Variants in CBX5 observed in about 807,000 individuals in gnomAD.
CBX5 encodes chromobox protein homolog 5.
Under a neutral mutation model 20.7 loss-of-function variants are expected in CBX5, and 7 were observed. The ratio of observed to expected loss-of-function variants is 0.34; its 90% confidence interval spans 0.19 to 0.63. The LOEUF is 0.63. Among genes scored for constraint, CBX5 ranks in the 30% least tolerant of loss-of-function variants. The pLI is 0.75. For synonymous variants in CBX5, 78 were observed against 77.0 expected (o/e 1.01, Z -0.07); for missense variants, 110 against 224.1 (o/e 0.49, Z 3.25).
In CBX5 at chr12:54,237,247, C is replaced by T. The variant is rs571692527; in HGVS notation, c.*4508G>A. ...AAATCTACTTTCACACATGGCAAAC[C>T]GCGAAGAAAAACAAGGATAACCTCA... On this transcript the variant is annotated 3_prime_UTR_variant, in exon 5 of 5. Coordinates refer to ENST00000209875, the MANE Select transcript of CBX5 (RefSeq NM_012117.3). 3 of 152,112 alleles carry T rather than the reference C, an allele frequency of 2.0e-5. No homozygotes were observed. Among genetic ancestry groups the T allele is most frequent in the South Asian group, 2.1e-4 (1 of 4,816 alleles). The allele number at this position is 152,112 out of a possible 1,614,324, so 9.4% of individuals were successfully genotyped here.
At chr12:54,273,877 G>A (rs574055291) in intron 1 of CBX5, 5 of 152,082 alleles carry the variant, frequency 3.3e-5, no homozygotes, top group Admixed American at 1.3e-4. Context: ...ATACATAGGG[G>A]GAATAAAATT....
intron 3 of CBX5, among the ~76,000 whole-genome samples, 197 bp downstream of exon 3, chr12:54,251,844 G>A (rs1395073887): frequency 1.3e-5 from 2 of 152,180 alleles, no homozygotes; most frequent in African/African-American, 4.8e-5. Context: ...ACAATCCAGT[G>A]GCCACAAATT....
intron 1 of CBX5, among the ~76,000 whole-genome samples, chr12:54,265,259 A>G (rs1943946292): frequency 6.6e-6 from 1 of 152,258 alleles, no homozygotes; most frequent in African/African-American, 2.4e-5. Flanking sequence ...AAAATAAACC[A>G]AACTTACAGA....
chr12:54,260,435 A>G (rs539859662), intron 1 of CBX5, among the ~76,000 whole-genome samples: 81 of 152,252 alleles, frequency 5.3e-4, no homozygotes, highest in African/African-American at 1.7e-3. Flanking sequence ...CAGAGGTTGC[A>G]GTGAGCCTAG....
chr12:54,257,825 G>T, intron 1 of CBX5, 133 bp from the exon 2 acceptor site: 2 of 629,192 alleles, frequency 3.2e-6, no homozygotes, highest in Non-Finnish European at 5.5e-6. Context: ...TCATTCTACA[G>T]ATGAGTCCTA....
rs995133788 is a variant in CBX5, at chr12:54,235,875, C to T, written c.*5880G>A. 14 of 152,210 alleles carry T rather than the reference C, an allele frequency of 9.2e-5. No homozygotes were observed. The highest frequency in any genetic ancestry group is 3.1e-4 in the African/African-American group (13 of 41,440). 9.4% of individuals were successfully genotyped at this position (152,210 alleles called of 1,614,324 possible). Reference sequence around the variant, plus strand: ...TTATAGAACCCACAATAATGTAACACAACTGAATCTGCAACATAGTTAATG... The same window carrying T: ...TTATAGAACCCACAATAATGTAACATAACTGAATCTGCAACATAGTTAATG... On this transcript the variant is annotated 3_prime_UTR_variant, in exon 5 of 5. Transcript: ENST00000209875.
At chr12:54,244,782 T>C (rs1943717108) in intron 4 of CBX5, among the ~76,000 whole-genome samples, 3 of 152,112 alleles carry the variant, frequency 2.0e-5, no homozygotes, top group African/African-American at 7.2e-5. Flanking sequence ...CTAAGAGCCA[T>C]CCTCTCTCTA....
At chr12:54,243,670 A>T (rs1454654602) in intron 4 of CBX5, among the ~76,000 whole-genome samples, 1 of 152,142 alleles carries the variant, frequency 6.6e-6, no homozygotes, top group African/African-American at 2.4e-5. Context: ...GGAGTTCGAG[A>T]CCAGCCTGGC....
At chr12:54,278,535 T>C (rs1261059657) in intron 1 of CBX5, 1 of 152,244 alleles carries the variant, frequency 6.6e-6, no homozygotes, top group East Asian at 1.9e-4. Context: ...GTGTATTTCA[T>C]AGGTAGTTGA....
Position 54,236,419 on chromosome 12 carries a change from A to G in CBX5, c.*5336T>C, listed in dbSNP as rs1411950626. On this transcript the variant is annotated 3_prime_UTR_variant, in exon 5 of 5. Coordinates refer to ENST00000209875, the MANE Select transcript of CBX5 (RefSeq NM_012117.3). ...ATGTACAGCAATGTGGCTGGAATTT[A>G]GAAAGCTTAATAAAAATTGGGTGAG... 1 of 152,230 alleles carries G rather than the reference A, an allele frequency of 6.6e-6. No individual in the cohort carries two copies. Among genetic ancestry groups the G allele is most frequent in the East Asian group, 1.9e-4 (1 of 5,204 alleles). 9.4% of individuals were successfully genotyped at this position (152,230 alleles called of 1,614,324 possible). A position where few individuals can be genotyped will look rare whatever the true frequency, so the allele number is the denominator to read the frequency against.
intron 1 of CBX5, among the ~76,000 whole-genome samples, chr12:54,274,693 A>G (rs1045389123): frequency 2.0e-4 from 30 of 152,084 alleles, no homozygotes; most frequent in African/African-American, 7.0e-4. Context: ...TAATTCTAAC[A>G]CTTTGGGAGG....
intron 1 of CBX5, among the ~76,000 whole-genome samples, chr12:54,279,774 A>G (rs1186868496): frequency 6.6e-6 from 1 of 152,194 alleles, no homozygotes; most frequent in Non-Finnish European, 1.5e-5. Context: ...TCGGCAGCTC[A>G]AGGCAGACCC....
intron 1 of CBX5, chr12:54,278,512 T>C (rs1944092660): frequency 1.3e-5 from 2 of 152,222 alleles, no homozygotes; most frequent in East Asian, 3.8e-4. Context: ...GTCGGAAAGG[T>C]CTCTAATTAT....
At chr12:54,277,726 T>G (rs1165392630) in intron 1 of CBX5, among the ~76,000 whole-genome samples, 1 of 152,226 alleles carries the variant, frequency 6.6e-6, no homozygotes, top group Non-Finnish European at 1.5e-5. Context: ...CAGGATTTAG[T>G]GATCCATTTA....
At chr12:54,264,803 A>G (rs1176699992) in intron 1 of CBX5, among the ~76,000 whole-genome samples, 1 of 152,072 alleles carries the variant, frequency 6.6e-6, no homozygotes, top group Non-Finnish European at 1.5e-5. Flanking sequence ...AGATTGCGCC[A>G]CTGCACTCTA....
At position 54,277,524 on chromosome 12, in the gene CBX5, A is replaced by G. The variant is rs113467816; in HGVS notation, c.-43+2484T>C. On this transcript the variant is annotated intron_variant, in intron 1 of 4. Coordinates refer to ENST00000209875, the MANE Select transcript of CBX5 (RefSeq NM_012117.3). ...TCAGCCCAATTTTTGTTTTTAGTAG[A>G]GACGGGTTTCACCTTGTTGGCCAGG... Among the ~76,000 whole-genome samples, 1,117 of 151,614 alleles carry G rather than the reference A, an allele frequency of 7.4e-3. 14 individuals carry two copies. Among genetic ancestry groups the G allele is most frequent in the African/African-American group, 0.025 (1,044 of 41,232 alleles).
chr12:54,272,166 T>C (rs2137031517), intron 1 of CBX5: 1 of 152,374 alleles, frequency 6.6e-6, no homozygotes, highest in South Asian at 2.1e-4. Flanking sequence ...GACATAATTA[T>C]GCCCTCTGGC....
At chr12:54,264,545 A>C (rs537958429) in intron 1 of CBX5, among the ~76,000 whole-genome samples, 5 of 152,208 alleles carry the variant, frequency 3.3e-5, no homozygotes, top group Non-Finnish European at 7.3e-5. Context: ...CTTTCTTCTT[A>C]TTAAGAATGA....
intron 1 of CBX5, chr12:54,277,023 C>G (rs983341715): frequency 6.6e-6 from 1 of 152,120 alleles, no homozygotes; most frequent in Admixed American, 6.5e-5. Context: ...GTTTAAGCAG[C>G]AAAAAGTGGT....
Sources: allele counts gnomAD v4.1 joint callset (sites outside exome capture counted in the v4.1 genomes callset), GRCh38; gene constraint gnomAD v4.1.1; transcripts MANE v1.5; gene names NCBI Gene and HGNC (gene_info 2026-07-23, HGNC 2026-07-21).